Variants in MOB3B observed in about 807,000 individuals in gnomAD.
MOB3B encodes MOB kinase activator 3B, also known as MOB kinase activator-like 2B.
Under a neutral mutation model 18.7 loss-of-function variants are expected in MOB3B, and 7 were observed. That is an observed-to-expected ratio of 0.37 (90% CI 0.21 to 0.70). The LOEUF is 0.70. MOB3B is among the 30% of genes least tolerant of loss of function. The pLI, the probability that MOB3B is intolerant of heterozygous loss-of-function variation, is 0.52. For synonymous variants in MOB3B, 111 were observed against 99.9 expected, an observed-to-expected ratio of 1.11 and a Z score of -0.66; for missense variants, 253 against 281.3, an observed-to-expected ratio of 0.90 and a Z score of 0.72.
At chr9:27,368,003 A>G (rs1418648291) in intron 2 of MOB3B, among the ~76,000 whole-genome samples, 1 of 152,122 alleles carries the variant, frequency 6.6e-6, no homozygotes, top group Non-Finnish European at 1.5e-5. Flanking sequence ...AGAGTCCAGT[A>G]ATAAGAGGGA....
Position 27,447,359 on chromosome 9 carries a change from A to G in MOB3B, c.418+7774T>C, listed in dbSNP as rs186864810. 9.3e-4 allele frequency among the ~76,000 whole-genome samples: 142 copies of G among 152,290 alleles called. 4 individuals carry two copies. Among genetic ancestry groups the G allele is most frequent in the Admixed American group, 9.0e-3 (138 of 15,292 alleles). ...GCTTCGTTGACTAAGGAAGGATGCCATGGCTACAAATGACAAATGACGAAT... is the reference window on the plus strand; with the variant it reads ...GCTTCGTTGACTAAGGAAGGATGCCGTGGCTACAAATGACAAATGACGAAT... On this transcript the variant is annotated intron_variant, in intron 2 of 3. Transcript: ENST00000262244.
intron 2 of MOB3B, among the ~76,000 whole-genome samples, chr9:27,406,088 G>T (rs1309234994): frequency 6.6e-6 from 1 of 152,012 alleles, no homozygotes; most frequent in African/African-American, 2.4e-5. Context: ...ATTAGACAAG[G>T]GAAAGAAATA....
chr9:27,345,691 C>A lies in MOB3B; in HGVS notation c.621+13343G>T, dbSNP rs377683851. Among the ~76,000 whole-genome samples, 5 of 152,324 alleles carry A rather than the reference C, an allele frequency of 3.3e-5. No homozygotes were observed. In the East Asian group the frequency reaches 5.8e-4, roughly 18 times the overall value. On this transcript the variant is annotated intron_variant, in intron 3 of 3. Coordinates refer to ENST00000262244, the MANE Select transcript of MOB3B (RefSeq NM_024761.5). ...AACTCCTTGAGGGCAGTAGTCATATCTCTTGAGCTACAGCAGCACCTAGGA... is the reference window on the plus strand; with the variant it reads ...AACTCCTTGAGGGCAGTAGTCATATATCTTGAGCTACAGCAGCACCTAGGA...
rs77283585 is a variant in MOB3B at position 27,477,906 on chromosome 9, C to T, written c.-198-22158G>A. On this transcript the variant is annotated intron_variant, in intron 1 of 3. Coordinates refer to ENST00000262244, the MANE Select transcript of MOB3B (RefSeq NM_024761.5). ...GCTCATGCAAGGTAAGATGCTGGAA[C>T]TGACATAACTGCATCAAGTCAGAAT... is the stretch of plus-strand genomic sequence containing the variant. 3.7e-4 allele frequency among the ~76,000 whole-genome samples: 57 copies of T among 152,290 alleles called. 1 individual carries two copies. In the East Asian group the frequency reaches 0.01, roughly 27 times the overall value.
chr9:27,435,714 C>T (rs565784579), intron 2 of MOB3B, among the ~76,000 whole-genome samples: 6 of 152,284 alleles, frequency 3.9e-5, no homozygotes, highest in African/African-American at 1.4e-4. Context: ...ATTCTTCTGC[C>T]TCAGCCTCCC....
rs575349299 is a variant in MOB3B, at chr9:27,362,146, C to A, written c.419-2910G>T. 7.9e-5 allele frequency among the ~76,000 whole-genome samples: 12 copies of A among 152,290 alleles called. 1 individual carries two copies. The South Asian group carries it at 2.5e-3, about 32-fold the overall frequency. On this transcript the variant is annotated intron_variant, in intron 2 of 3. Transcript: ENST00000262244. ...CTGTGCCTTCCATTCCATACCTGGT[C>A]TCTGACTTGTCTCTGGCCTTGAAGG...
At chr9:27,522,408 A>G (rs1299641536) in intron 1 of MOB3B, among the ~76,000 whole-genome samples, 1 of 124,724 alleles carries the variant, frequency 8.0e-6, no homozygotes, top group Non-Finnish European at 1.7e-5. Context: ...CATATATATC[A>G]AGACATTTTT....
rs1822854083 is a variant in MOB3B at position 27,455,360 on chromosome 9, A to C, written c.191T>G (p.Val64Gly). The change falls in exon 2 of 4, where the codon GTG (valine) becomes GGG (glycine). Residue 64 changes from valine to glycine, a missense_variant. Val to Gly is a moderately radical substitution (Grantham distance 109, BLOSUM62 -3). Transcript: ENST00000262244. ...EDQNDWVAVH[V>G]VDFFNRINLI... ...GTTGATCCGATTGAAGAAGTCCACC[A>C]CATGTACTGCCACCCAGTCATTCTG... The C allele has an allele frequency of 6.2e-7, 1 of 1,614,038 alleles. No individual in the cohort carries two copies. The highest frequency in any genetic ancestry group is 1.3e-5 in the African/African-American group (1 of 74,922).
At chr9:27,414,364 C>G (rs566457588) in intron 2 of MOB3B, among the ~76,000 whole-genome samples, 1 of 152,136 alleles carries the variant, frequency 6.6e-6, no homozygotes, top group African/African-American at 2.4e-5. Flanking sequence ...AGCTGTGAAC[C>G]CGGGGGGCTC....
intron 3 of MOB3B, among the ~76,000 whole-genome samples, chr9:27,343,518 C>T (rs1470928241): frequency 7.0e-6 from 1 of 143,322 alleles, no homozygotes; most frequent in South Asian, 2.3e-4. Context: ...ACCTCTTTGG[C>T]TTTCAGAGTA....
intron 3 of MOB3B, among the ~76,000 whole-genome samples, chr9:27,340,675 A>G (rs144897513): frequency 0.015 from 2,349 of 151,990 alleles, 71 homozygotes; most frequent in African/African-American, 0.054. Flanking sequence ...AACCTGGCTG[A>G]TGCACTGATG....
intron 1 of MOB3B, among the ~76,000 whole-genome samples, chr9:27,479,014 TA>T (rs1235246907): frequency 6.6e-6 from 1 of 152,096 alleles, no homozygotes; most frequent in Non-Finnish European, 1.5e-5. Flanking sequence ...AAAGTGGTAA[TA>T]AAAAAACCTG....
In MOB3B at chr9:27,379,422, G is replaced by T. The variant is rs546636787; in HGVS notation, c.419-20186C>A. Among the ~76,000 whole-genome samples, 12 of 152,190 alleles carry T rather than the reference G, an allele frequency of 7.9e-5. No individual in the cohort carries two copies. The South Asian group carries it at 2.5e-3, about 32-fold the overall frequency. ...CAACAATATTCGATAATTACTGAGG[G>T]TTTACTCTGAACCAGGACCAGTCAT... On this transcript the variant is annotated intron_variant, in intron 2 of 3. Coordinates refer to ENST00000262244, the MANE Select transcript of MOB3B (RefSeq NM_024761.5).
intron 1 of MOB3B, among the ~76,000 whole-genome samples, chr9:27,488,055 G>A (rs1754703906): frequency 6.6e-6 from 1 of 152,172 alleles, no homozygotes; most frequent in Non-Finnish European, 1.5e-5. Context: ...CCTTGAGTCA[G>A]GTGACCATCA....
intron 1 of MOB3B, among the ~76,000 whole-genome samples, chr9:27,473,155 G>C (rs1001440200): frequency 1.3e-5 from 2 of 152,190 alleles, no homozygotes; most frequent in African/African-American, 4.8e-5. Flanking sequence ...TGGCCAAGGA[G>C]CCCTGATTTA....
chr9:27,420,559 A>C (rs1822230549), intron 2 of MOB3B, among the ~76,000 whole-genome samples: 1 of 69,040 alleles, frequency 1.4e-5, no homozygotes, highest in Non-Finnish European at 3.2e-5. Context: ...ATATATATAT[A>C]TATATATATA....
chr9:27,409,809 T>C (rs1410662322), intron 2 of MOB3B, among the ~76,000 whole-genome samples: 4 of 152,054 alleles, frequency 2.6e-5, no homozygotes, highest in African/African-American at 4.8e-5. Context: ...TGCTAGGTGA[T>C]ATAAGCCAGA....
chr9:27,473,349 G>A (rs1205247977), intron 1 of MOB3B, among the ~76,000 whole-genome samples: 2 of 152,112 alleles, frequency 1.3e-5, no homozygotes, highest in African/African-American at 4.8e-5. Context: ...GGGTCGTGCT[G>A]GGACACAGAG....
At chr9:27,438,771 G>T (rs1035624448) in intron 2 of MOB3B, among the ~76,000 whole-genome samples, 1 of 152,118 alleles carries the variant, frequency 6.6e-6, no homozygotes, top group Non-Finnish European at 1.5e-5. Flanking sequence ...ACTGATAAGG[G>T]CAGCCAGATT....
Sources: gnomAD v4.1 joint callset for allele counts (sites outside exome capture counted in the v4.1 genomes callset) on GRCh38, gnomAD v4.1.1 for gene constraint, MANE v1.5 for transcripts, NCBI Gene and HGNC (gene_info 2026-07-23, HGNC 2026-07-21) for gene names.